Variants in NMT2 observed in about 807,000 individuals in gnomAD.
NMT2 encodes glycylpeptide N-tetradecanoyltransferase 2.
In NMT2, 35 loss-of-function variants were observed where a neutral mutation model predicts 65.4. The observed-to-expected ratio is 0.54, with a 90% CI of 0.41 to 0.71. The LOEUF (loss-of-function observed/expected upper bound fraction) is 0.71, where lower values mean the gene tolerates loss of function less well. Ranked by LOEUF, NMT2 falls within the 30% of genes least tolerant of loss-of-function variation. The pLI is 0.00. For missense variants in NMT2, 489 were observed against 611.3 expected, an observed-to-expected ratio of 0.80 and a Z score of 2.11; for synonymous variants, 226 against 231.8, an observed-to-expected ratio of 0.98 and a Z score of 0.23.
chr10:15,118,582 C>T (rs1845821469), intron 9 of NMT2, among the ~76,000 whole-genome samples: 1 of 145,742 alleles, frequency 6.9e-6, no homozygotes. Flanking sequence ...AGTAAGACAA[C>T]TACGGTCAAA....
intron 11 of NMT2, 128 bp downstream of exon 11, chr10:15,109,574 A>AAAAT (rs1048466195): frequency 9.2e-5 from 73 of 792,030 alleles, no homozygotes; most frequent in Admixed American, 5.9e-4. Flanking sequence ...TCATCTCAAA[A>AAAAT]AAATAAATAA....
chr10:15,109,461 C>A (rs1019881607), intron 11 of NMT2, among the ~76,000 whole-genome samples: 2 of 152,116 alleles, frequency 1.3e-5, no homozygotes, highest in Admixed American at 6.6e-5. Context: ...ATCCCAGCTA[C>A]TCGGGAGGCT....
intron 1 of NMT2, among the ~76,000 whole-genome samples, chr10:15,159,739 T>C (rs969437030): frequency 6.6e-6 from 1 of 152,058 alleles, no homozygotes; most frequent in African/African-American, 2.4e-5. Context: ...AATAAAACCT[T>C]TTACTCTAGC....
Position 15,107,570 on chromosome 10 carries a change from A to C in NMT2, c.*1625T>G. 1 of 529,652 alleles carries C rather than the reference A, an allele frequency of 1.9e-6. No homozygotes were observed. The highest frequency in any genetic ancestry group is 2.4e-6 in the Non-Finnish European group (1 of 414,056). The allele number at this position is 529,652 out of a possible 1,614,324, so 32.8% of individuals were successfully genotyped here. On this transcript the variant is annotated 3_prime_UTR_variant, in exon 12 of 12. Coordinates refer to ENST00000378165, the MANE Select transcript of NMT2 (RefSeq NM_004808.3). ...TGGGTTCAAGTGATTCTCCTGCCTC[A>C]GCCTCCTAGCAGCTGGGATTACAGG...
At chr10:15,140,857 G>A (rs989655276) in intron 2 of NMT2, 13 of 822,722 alleles carry the variant, frequency 1.6e-5, no homozygotes, top group African/African-American at 1.4e-4. Flanking sequence ...CTGCCAACAC[G>A]GGGCCCAGCT....
intron 1 of NMT2, among the ~76,000 whole-genome samples, chr10:15,149,592 T>TCAC: frequency 7.4e-6 from 1 of 134,974 alleles, no homozygotes; most frequent in Non-Finnish European, 1.6e-5. Flanking sequence ...ACCACCATCA[T>TCAC]CACCATCACC....
At chr10:15,153,631 ATGTTT>A (rs1174697906) in intron 1 of NMT2, among the ~76,000 whole-genome samples, 9 of 152,014 alleles carry the variant, frequency 5.9e-5, no homozygotes, top group African/African-American at 1.7e-4. Context: ...CTACACACAG[ATGTTT>A]TGTTTTATTT....
chr10:15,141,749 C>A (rs1846775684), intron 1 of NMT2, among the ~76,000 whole-genome samples, 192 bp from the exon 2 acceptor site: 1 of 149,492 alleles, frequency 6.7e-6, no homozygotes, highest in Non-Finnish European at 1.5e-5. Context: ...AGAATACCAG[C>A]CCCCGCTCAG....
chr10:15,112,657 C>T, intron 10 of NMT2, 139 bp downstream of exon 10: 1 of 789,984 alleles, frequency 1.3e-6, no homozygotes, highest in Non-Finnish European at 1.9e-6. Context: ...AAAATTCTTC[C>T]TTTGACTGAT....
chr10:15,141,670 A>G (rs1394462047), intron 1 of NMT2, 113 bp from the exon 2 acceptor site: 2 of 1,338,206 alleles, frequency 1.5e-6, no homozygotes, highest in Non-Finnish European at 2.0e-6. Context: ...TGCAGTAGAA[A>G]ATAACTGTGT....
chr10:15,135,114 G>A (rs1055846172), intron 3 of NMT2, among the ~76,000 whole-genome samples, 160 bp downstream of exon 3: 1 of 152,132 alleles, frequency 6.6e-6, no homozygotes, highest in Admixed American at 6.5e-5. Flanking sequence ...ATTTTCAGAA[G>A]AAAAATATTA....
At chr10:15,135,191 T>G (rs1427220195) in intron 3 of NMT2, 83 bp downstream of exon 3, 4 of 1,187,934 alleles carry the variant, frequency 3.4e-6, no homozygotes, top group Non-Finnish European at 4.7e-6. Context: ...ACTCTTTGTG[T>G]TTTGTTGTTG....
chr10:15,152,174 G>A (rs1419159122), intron 1 of NMT2, among the ~76,000 whole-genome samples: 2 of 152,206 alleles, frequency 1.3e-5, no homozygotes, highest in African/African-American at 4.8e-5. Flanking sequence ...TATGAGCAAA[G>A]TCAAAGGTCA....
chr10:15,125,492 T>C (rs1400741293), intron 8 of NMT2, among the ~76,000 whole-genome samples: 1 of 152,236 alleles, frequency 6.6e-6, no homozygotes, highest in Non-Finnish European at 1.5e-5. Flanking sequence ...TTCACTCCAT[T>C]GTAGGCAACC....
At chr10:15,115,385 C>T (rs1486113939) in intron 9 of NMT2, among the ~76,000 whole-genome samples, 2 of 152,082 alleles carry the variant, frequency 1.3e-5, no homozygotes, top group Non-Finnish European at 2.9e-5. Context: ...AATGTTGTTA[C>T]CAATCGACTA....
At chr10:15,166,471 C>A (rs537618473) in intron 1 of NMT2, among the ~76,000 whole-genome samples, 1 of 152,266 alleles carries the variant, frequency 6.6e-6, no homozygotes, top group East Asian at 1.9e-4. Flanking sequence ...GTTTCTACTG[C>A]GATATCATCA....
At chr10:15,118,368 G>A (rs368131856) in intron 9 of NMT2, among the ~76,000 whole-genome samples, 3 of 152,008 alleles carry the variant, frequency 2.0e-5, no homozygotes, top group Non-Finnish European at 2.9e-5. Context: ...GTGAAACCCC[G>A]ACTCTACTAA....
Position 15,130,262 on chromosome 10 carries a change from C to A in NMT2, c.770G>T (p.Arg257Ile). 6.2e-7 allele frequency: 1 copy of A among 1,606,294 alleles called. No homozygotes were observed. The highest frequency in any genetic ancestry group is 8.5e-7 in the Non-Finnish European group (1 of 1,175,844). ...INFLCVHKKLRSKRVAPVLIR... is the reference protein window; with the variant it reads ...INFLCVHKKLISKRVAPVLIR... ...TAGCACTGGGGCTACCCGTTTCGAT[C>A]TCAACTTCTTATGAACACAAAGAAA... The change falls in exon 7 of 12, where the codon AGA (arginine) becomes ATA (isoleucine). Residue 257 changes from arginine (R) to isoleucine (I), a missense_variant. Transcript: ENST00000378165.
Position 15,168,650 on chromosome 10 carries a change from G to T in NMT2, c.-38C>A. 6.6e-7 allele frequency: 1 copy of T among 1,510,626 alleles called. No homozygotes were observed. The highest frequency in any genetic ancestry group is 8.9e-7 in the Non-Finnish European group (1 of 1,121,682). 93.6% of individuals were successfully genotyped at this position (1,510,626 alleles called of 1,614,324 possible). A position where few individuals can be genotyped will look rare whatever the true frequency, so the allele number is the denominator to read the frequency against. ...GGCTGGGGAGGCGGTGCTCGGGGCC[G>T]GGCCGGAGCGGCCGCAGCTCCCTCT... On this transcript the variant is annotated 5_prime_UTR_variant, in exon 1 of 12. Coordinates refer to ENST00000378165, the MANE Select transcript of NMT2 (RefSeq NM_004808.3).
Sources: gnomAD v4.1 joint callset for allele counts (sites outside exome capture counted in the v4.1 genomes callset) on GRCh38, gnomAD v4.1.1 for gene constraint, MANE v1.5 for transcripts, NCBI Gene and HGNC (gene_info 2026-07-23, HGNC 2026-07-21) for gene names.